The following ERBIN variants were observed in gnomAD, a reference collection of about 807,000 sequenced individuals.
The protein encoded by ERBIN is erbb2 interacting protein.
In ERBIN, 60 loss-of-function variants were observed where a neutral mutation model predicts 158.4. The observed-to-expected ratio is 0.38, with a 90% CI of 0.31 to 0.47. The LOEUF (loss-of-function observed/expected upper bound fraction) is 0.47, where lower values mean the gene tolerates loss of function less well. Among genes scored for constraint, ERBIN ranks in the 20% least tolerant of loss-of-function variants. The probability of loss-of-function intolerance (pLI) is 0.99; values close to 1 mark genes in which losing one functional copy is unlikely to be tolerated. For missense variants in ERBIN, 1,610 were observed against 1,648.0 expected (o/e 0.98, Z 0.40); for synonymous variants, 594 against 557.2 (o/e 1.07, Z -0.93).
intron 9 of ERBIN, among the ~76,000 whole-genome samples, chr5:66,023,868 G>A (rs7703844): frequency 0.058 from 8,754 of 151,766 alleles, 884 homozygotes; most frequent in African/African-American, 0.2. Flanking sequence ...TAGTGGAGAC[G>A]GGATTTCACC....
rs147690733 is a variant in ERBIN, at chr5:65,960,207, G to C, written c.-57-28428G>C. ...ATGAAATGTATATGAATGAATCTCT[G>C]AAACATTGTGTTTAGTGAAAGAAGT... On this transcript the variant is annotated intron_variant, in intron 1 of 25. Coordinates refer to ENST00000284037, the MANE Select transcript of ERBIN (RefSeq NM_001253697.2). Among the ~76,000 whole-genome samples the C allele has an allele frequency of 6.1e-3, 929 of 152,348 alleles. 12 individuals are homozygous for C. The highest frequency in any genetic ancestry group is 0.021 in the African/African-American group (889 of 41,572).
chr5:65,955,391 A>G (rs932580991), intron 1 of ERBIN, among the ~76,000 whole-genome samples: 2 of 152,122 alleles, frequency 1.3e-5, no homozygotes, highest in Non-Finnish European at 2.9e-5. Flanking sequence ...GCACTTTGGG[A>G]GGCCGAGGTG....
chr5:66,077,310 AT>A (rs1762076824), intron 25 of ERBIN, among the ~76,000 whole-genome samples: 1 of 151,966 alleles, frequency 6.6e-6, no homozygotes, highest in Admixed American at 6.6e-5. Flanking sequence ...TGCGAAACTC[AT>A]TTTTTCCTGT....
At chr5:66,029,191 A>G (rs183259802) in intron 14 of ERBIN, among the ~76,000 whole-genome samples, 2 of 152,312 alleles carry the variant, frequency 1.3e-5, no homozygotes, top group African/African-American at 2.4e-5. Flanking sequence ...GCTGGATTAT[A>G]TGATAGTTCC....
intron 13 of ERBIN, among the ~76,000 whole-genome samples, chr5:66,027,057 C>T (rs1381401730): frequency 6.6e-6 from 1 of 151,908 alleles, no homozygotes; most frequent in Admixed American, 6.6e-5. Flanking sequence ...GTGAGGTAAA[C>T]ATACTAATGA....
Position 66,081,184 on chromosome 5 carries a change from A to G in ERBIN, c.*2654A>G, listed in dbSNP as rs1360191455. 1.3e-5 allele frequency: 2 copies of G among 151,966 alleles called. No homozygotes were observed. Among genetic ancestry groups the G allele is most frequent in the Admixed American group, 6.6e-5 (1 of 15,264 alleles). The allele number at this position is 151,966 out of a possible 1,614,324, so 9.4% of individuals were successfully genotyped here. On this transcript the variant is annotated 3_prime_UTR_variant, in exon 26 of 26. Coordinates refer to ENST00000284037, the MANE Select transcript of ERBIN (RefSeq NM_001253697.2). ...AGTAATTTCTTACTCTAACCAGTAA[A>G]AAAATAATACTGATCAGAGTAATTT...
chr5:66,036,071 G>A (rs982215068), intron 14 of ERBIN, among the ~76,000 whole-genome samples: 2 of 152,112 alleles, frequency 1.3e-5, no homozygotes, highest in African/African-American at 4.8e-5. Flanking sequence ...CCTCCAGCCT[G>A]GGTGACAGAA....
At chr5:65,995,881 A>G (rs1752380019) in intron 4 of ERBIN, among the ~76,000 whole-genome samples, 1 of 152,182 alleles carries the variant, frequency 6.6e-6, no homozygotes, top group Non-Finnish European at 1.5e-5. Flanking sequence ...AACATTTTTC[A>G]TATACCTGTT....
intron 1 of ERBIN, among the ~76,000 whole-genome samples, chr5:65,983,977 G>A (rs61403014): frequency 0.04 from 6,109 of 152,188 alleles, 419 homozygotes; most frequent in African/African-American, 0.14. Context: ...GCACACCCGG[G>A]AACCACTGTC....
At chr5:66,043,018 GAT>G (rs1398426312) in intron 15 of ERBIN, 57 bp from the exon 16 acceptor site, 2 of 1,291,484 alleles carry the variant, frequency 1.5e-6, no homozygotes, top group Non-Finnish European at 2.2e-6. Flanking sequence ...ATGAGCAAGT[GAT>G]AGTTTTCCAT....
intron 3 of ERBIN, among the ~76,000 whole-genome samples, chr5:65,993,936 TAGAG>T (rs1752155279): frequency 6.6e-6 from 1 of 152,048 alleles, no homozygotes; most frequent in African/African-American, 2.4e-5. Context: ...AAATAGAAAA[TAGAG>T]TGTGTTGTAT....
intron 1 of ERBIN, chr5:65,961,394 A>G (rs1435869361): frequency 2.6e-5 from 4 of 152,226 alleles, no homozygotes; most frequent in Non-Finnish European, 5.9e-5. Flanking sequence ...TAATATTTGT[A>G]AATTATACTT....
intron 1 of ERBIN, among the ~76,000 whole-genome samples, chr5:65,962,065 T>C (rs1303724824): frequency 1.3e-5 from 2 of 152,060 alleles, no homozygotes; most frequent in African/African-American, 4.8e-5. Context: ...AGTGCTTGAC[T>C]ATGTCGCATT....
chr5:65,983,056 G>T (rs1315033118), intron 1 of ERBIN, among the ~76,000 whole-genome samples: 1 of 152,132 alleles, frequency 6.6e-6, no homozygotes, highest in Non-Finnish European at 1.5e-5. Flanking sequence ...ATATAAAAAT[G>T]GAAAATTTTG....
At chr5:65,965,834 T>G (rs1479702921) in intron 1 of ERBIN, among the ~76,000 whole-genome samples, 1 of 152,242 alleles carries the variant, frequency 6.6e-6, no homozygotes, top group Admixed American at 6.5e-5. Context: ...TCATTTACTA[T>G]TGTTTTTTCC....
chr5:65,945,959 TC>T (rs1284206429), intron 1 of ERBIN, among the ~76,000 whole-genome samples: 17 of 152,228 alleles, frequency 1.1e-4, no homozygotes, highest in Non-Finnish European at 2.2e-4. Context: ...AGTTCCATCA[TC>T]CCAAGGATCA....
chr5:66,069,827 C>T (rs547514492), intron 21 of ERBIN, among the ~76,000 whole-genome samples: 2 of 152,198 alleles, frequency 1.3e-5, no homozygotes, highest in African/African-American at 4.8e-5. Context: ...GGGTCCTTTA[C>T]TTCTACCTGA....
intron 1 of ERBIN, among the ~76,000 whole-genome samples, chr5:65,959,978 A>G (rs958326136): frequency 3.3e-5 from 5 of 152,238 alleles, no homozygotes; most frequent in African/African-American, 7.2e-5. Flanking sequence ...ATACAGCTAC[A>G]TCAGTTCCAC....
rs532976460 is a variant in ERBIN at position 66,006,442 on chromosome 5, A to C, written c.308-5607A>C. Among the ~76,000 whole-genome samples, 177 of 152,362 alleles carry C rather than the reference A, an allele frequency of 1.2e-3. 1 individual carries two copies. In the South Asian group the frequency reaches 0.013, roughly 11 times the overall value. Reference sequence around the variant, plus strand: ...TTAGACCTAAAACCATAAAAACCCTAGAAGAAAACCTAGGCAATACCATTC... The same window carrying C: ...TTAGACCTAAAACCATAAAAACCCTCGAAGAAAACCTAGGCAATACCATTC... On this transcript the variant is annotated intron_variant, in intron 4 of 25. Coordinates refer to ENST00000284037, the MANE Select transcript of ERBIN (RefSeq NM_001253697.2).
Sources: allele counts gnomAD v4.1 joint callset (sites outside exome capture counted in the v4.1 genomes callset), GRCh38; gene constraint gnomAD v4.1.1; transcripts MANE v1.5; gene names NCBI Gene and HGNC (gene_info 2026-07-23, HGNC 2026-07-21).